Variants in PAK5 observed in about 807,000 individuals in gnomAD.
PAK5 encodes the protein serine/threonine-protein kinase PAK 5.
PAK5 carries 16 observed loss-of-function variants against 65.9 expected under a neutral mutation model. The ratio of observed to expected loss-of-function variants is 0.24; its 90% CI spans 0.16 to 0.37. PAK5 has a LOEUF of 0.37. Ranked by LOEUF, PAK5 falls within the 10% of genes least tolerant of loss-of-function variation. The pLI is 1.00. For missense variants in PAK5, 785 were observed against 903.9 expected (o/e 0.87, Z 1.69); for synonymous variants, 371 against 354.9 (o/e 1.05, Z -0.51).
rs149982660 is a variant in PAK5 at position 9,618,998 on chromosome 20, C to T, written c.204+25127G>A. ...AGTGCAGTGATGGGATCATGGCTCA[C>T]GGAAGCCTTGACCTCTTTGGCTCAA... On this transcript the variant is annotated intron_variant, in intron 3 of 9. Transcript: ENST00000353224. 3.8e-3 allele frequency among the ~76,000 whole-genome samples: 498 copies of T among 130,866 alleles called. 3 individuals carry two copies. Among genetic ancestry groups the T allele is most frequent in the African/African-American group, 0.013 (445 of 34,540 alleles). 85.9% of individuals were successfully genotyped at this position (130,866 alleles called of 152,430 possible). A position where few individuals can be genotyped will look rare whatever the true frequency, so the allele number is the denominator to read the frequency against.
At chr20:9,809,232 C>G (rs182450432) in intron 1 of PAK5, among the ~76,000 whole-genome samples, 1 of 152,004 alleles carries the variant, frequency 6.6e-6, no homozygotes, top group East Asian at 1.9e-4. Context: ...GGCCTCACAC[C>G]AGATCTCTCA....
intron 1 of PAK5, among the ~76,000 whole-genome samples, chr20:9,793,572 A>G (rs916906924): frequency 1.4e-5 from 2 of 148,014 alleles, no homozygotes; most frequent in African/African-American, 5.3e-5. Context: ...TAAACATATG[A>G]AAAAAAAACT....
intron 3 of PAK5, among the ~76,000 whole-genome samples, chr20:9,601,179 C>T (rs2046353075): frequency 6.6e-6 from 1 of 152,132 alleles, no homozygotes; most frequent in African/African-American, 2.4e-5. Flanking sequence ...TCTATCTTTC[C>T]CACAGCCTAT....
At chr20:9,779,397 TA>T (rs1374657650) in intron 1 of PAK5, among the ~76,000 whole-genome samples, 3 of 150,944 alleles carry the variant, frequency 2.0e-5, no homozygotes, top group Non-Finnish European at 4.4e-5. Flanking sequence ...AGTTCACTTT[TA>T]AAATTATGAC....
intron 1 of PAK5, among the ~76,000 whole-genome samples, chr20:9,723,620 G>C (rs2048242310): frequency 1.3e-5 from 2 of 152,132 alleles, no homozygotes; most frequent in Admixed American, 1.3e-4. Context: ...TCAAATACTT[G>C]TGCATTTCGA....
At chr20:9,743,164 T>C (rs1482276914) in intron 1 of PAK5, among the ~76,000 whole-genome samples, 1 of 151,782 alleles carries the variant, frequency 6.6e-6, no homozygotes, top group Non-Finnish European at 1.5e-5. Flanking sequence ...GCCCAGGAGT[T>C]TGAGACCAGC....
At position 9,539,636 on chromosome 20, in the gene PAK5, A is replaced by C; in HGVS notation, c.2005-19T>G. The C allele has an allele frequency of 3.7e-6, 6 of 1,610,598 alleles. No individual in the cohort carries two copies. Among genetic ancestry groups the C allele is most frequent in the Non-Finnish European group, 5.1e-6 (6 of 1,178,012 alleles). On this transcript the variant is annotated intron_variant, in intron 9 of 9. Coordinates refer to ENST00000353224, the MANE Select transcript of PAK5 (RefSeq NM_177990.4). ...AAGAAACCTGTGAAAACACACAGAT[A>C]CCAATCTGAGGACTAACACAGACAC...
At position 9,749,493 on chromosome 20, in the gene PAK5, T is replaced by C. The variant is rs375192269; in HGVS notation, c.-161-38058A>G. Among the ~76,000 whole-genome samples, 38 of 152,282 alleles carry C rather than the reference T, an allele frequency of 2.5e-4. 1 individual carries two copies. The highest frequency in any genetic ancestry group is 9.1e-4 in the African/African-American group (38 of 41,570). On this transcript the variant is annotated intron_variant, in intron 1 of 9. Coordinates refer to ENST00000353224, the MANE Select transcript of PAK5 (RefSeq NM_177990.4). ...AAAATACAGAAAACTGTTTTGTACA[T>C]AGCACCTGTCCAGGGCTCACTCATG...
chr20:9,549,841 T>A lies in PAK5; in HGVS notation c.1744-5347A>T, dbSNP rs1186132126. ...ACAGTTCTCCTACCTGCTCCTTTTC[T>A]CTTGCAACAAGTGGATGACCATACC... On this transcript the variant is annotated intron_variant, in intron 7 of 9. Transcript: ENST00000353224. 5.3e-5 allele frequency among the ~76,000 whole-genome samples: 8 copies of A among 152,288 alleles called. No individual in the cohort carries two copies. In the East Asian group the frequency reaches 1.5e-3, roughly 29 times the overall value.
chr20:9,788,543 TA>T (rs1043257303), intron 1 of PAK5, among the ~76,000 whole-genome samples: 11 of 152,084 alleles, frequency 7.2e-5, no homozygotes, highest in Admixed American at 5.9e-4. Context: ...ATCTCTTCTA[TA>T]AAAGGTATTG....
chr20:9,685,377 C>T (rs532480389), intron 2 of PAK5, among the ~76,000 whole-genome samples: 2 of 152,222 alleles, frequency 1.3e-5, no homozygotes, highest in South Asian at 4.2e-4. Flanking sequence ...TAGGTTGGGC[C>T]TTGATCCAAT....
chr20:9,638,827 A>G (rs4813894), intron 3 of PAK5, among the ~76,000 whole-genome samples: 57,335 of 152,000 alleles, frequency 0.38, 11,546 homozygotes, highest in South Asian at 0.63. Context: ...TGGCAACGGC[A>G]GATTTCCACT....
intron 1 of PAK5, among the ~76,000 whole-genome samples, chr20:9,803,352 A>G (rs11699970): frequency 2.0e-5 from 3 of 152,166 alleles, no homozygotes; most frequent in African/African-American, 7.2e-5. Context: ...AAGGATAAGC[A>G]AGGGCACATC....
intron 1 of PAK5, among the ~76,000 whole-genome samples, chr20:9,797,223 T>G (rs1297430833): frequency 6.6e-6 from 1 of 151,980 alleles, no homozygotes; most frequent in Non-Finnish European, 1.5e-5. Flanking sequence ...CTTCACCCAC[T>G]TTTTGATGGG....
chr20:9,662,381 A>G (rs1460238782), intron 2 of PAK5, among the ~76,000 whole-genome samples: 2 of 152,122 alleles, frequency 1.3e-5, no homozygotes, highest in Non-Finnish European at 2.9e-5. Flanking sequence ...TGGATTTCAC[A>G]TGCTCCCCTT....
In PAK5 at chr20:9,628,980, C is replaced by T. The variant is rs544621834; in HGVS notation, c.204+15145G>A. Among the ~76,000 whole-genome samples, 5 of 152,344 alleles carry T rather than the reference C, an allele frequency of 3.3e-5. No individual in the cohort carries two copies. The South Asian group carries it at 1.0e-3, about 32-fold the overall frequency. On this transcript the variant is annotated intron_variant, in intron 3 of 9. Coordinates refer to ENST00000353224, the MANE Select transcript of PAK5 (RefSeq NM_177990.4). The stretch of plus-strand genomic sequence containing the variant: ...ATGTGATCTCAGAGCATCCCTGGCA[C>T]AACTGAGTCGGCTTGCCTATGGGGT...
Position 9,580,140 on chromosome 20 carries a change from G to T in PAK5, c.990+5C>A, listed in dbSNP as rs201034044. The T allele has an allele frequency of 1.1e-4, 172 of 1,602,900 alleles. 1 individual carries two copies. In the South Asian group the frequency reaches 1.9e-3, roughly 17 times the overall value. On this transcript the variant is annotated splice_donor_5th_base_variant and intron_variant, in intron 4 of 9. Coordinates refer to ENST00000353224, the MANE Select transcript of PAK5 (RefSeq NM_177990.4). ...ACGTGAGGGAAAGGAGGTAGCAAAC[G>T]TTACCTTTGGAATGCACATTGTGGG... is the stretch of plus-strand genomic sequence containing the variant.
intron 1 of PAK5, among the ~76,000 whole-genome samples, chr20:9,794,852 A>T (rs1051674769): frequency 1.3e-5 from 2 of 152,038 alleles, no homozygotes; most frequent in Admixed American, 6.6e-5. Flanking sequence ...AAGAAAAACC[A>T]TATCTTCAGT....
chr20:9,728,878 C>T (rs368847868), intron 1 of PAK5, among the ~76,000 whole-genome samples: 11 of 151,990 alleles, frequency 7.2e-5, no homozygotes, highest in African/African-American at 2.4e-4. Context: ...GTGACAGACA[C>T]CTAAAATAGT....
Sources: gnomAD v4.1 joint callset for allele counts (sites outside exome capture counted in the v4.1 genomes callset) on GRCh38, gnomAD v4.1.1 for gene constraint, MANE v1.5 for transcripts, NCBI Gene and HGNC (gene_info 2026-07-23, HGNC 2026-07-21) for gene names.